NUP43: variants seen among roughly 807,000 people sequenced by gnomAD.
NUP43 encodes nucleoporin 43.
In NUP43, 32 loss-of-function variants were observed where a neutral mutation model predicts 47.3. That is an observed-to-expected ratio of 0.68 (90% CI 0.51 to 0.91). NUP43 has a LOEUF of 0.91. Ranked by LOEUF, NUP43 falls within the 40% of genes least tolerant of loss-of-function variation. The probability of loss-of-function intolerance (pLI) is 0.00; values close to 1 mark genes in which losing one functional copy is unlikely to be tolerated. For missense variants in NUP43, 444 were observed against 453.9 expected, an observed-to-expected ratio of 0.98 and a Z score of 0.20; for synonymous variants, 147 against 158.4, an observed-to-expected ratio of 0.93 and a Z score of 0.54.
chr6:149,727,784 T>A, intron 7 of NUP43: 1 of 984,252 alleles, frequency 1.0e-6, no homozygotes, highest in Non-Finnish European at 1.2e-6. Flanking sequence ...AGGTTTTATC[T>A]CTAACAGCGC....
upstream of NUP43, chr6:149,746,805 A>T (rs1048749666): frequency 1.3e-5 from 11 of 870,494 alleles, no homozygotes; most frequent in African/African-American, 1.7e-5. Context: ...TAAGTGCAAA[A>T]ACAGAACAAA....
chr6:149,745,186 G>A lies in NUP43; in HGVS notation c.243+754C>T, dbSNP rs985059097. Among the ~76,000 whole-genome samples, 7 of 152,022 alleles carry A rather than the reference G, an allele frequency of 4.6e-5. No individual in the cohort carries two copies. In the East Asian group the frequency reaches 1.4e-3, roughly 29 times the overall value. On this transcript the variant is annotated intron_variant, in intron 2 of 7. Transcript: ENST00000340413. ...GAGGCCGAGGCAGGCAAATCACCAGGTCAGGAAATAGAGACCATCGTGGCT... is the reference window on the plus strand; with the variant it reads ...GAGGCCGAGGCAGGCAAATCACCAGATCAGGAAATAGAGACCATCGTGGCT...
Position 149,725,554 on chromosome 6 carries a change from A to T in NUP43, c.*1415T>A, listed in dbSNP as rs1582953461. 2 of 152,130 alleles carry T rather than the reference A, an allele frequency of 1.3e-5. No individual in the cohort carries two copies. The highest frequency in any genetic ancestry group is 6.5e-5 in the Admixed American group (1 of 15,268). The allele number at this position is 152,130 out of a possible 1,614,324, so 9.4% of individuals were successfully genotyped here. On this transcript the variant is annotated 3_prime_UTR_variant, in exon 8 of 8. Coordinates refer to ENST00000340413, the MANE Select transcript of NUP43 (RefSeq NM_198887.3). ...CAGTGAGCTGAGATCATGCCATTTC[A>T]CTCCAGCCTCAGCAACAAGAGCAAA...
rs764325135 is a variant in NUP43 at position 149,745,921 on chromosome 6, G to A, written c.243+19C>T. ...CTCAGGACTTTCAAAGTTAGCTTTT[G>A]GATGCTACACAGATTTACCTGTAAA... On this transcript the variant is annotated intron_variant, in intron 2 of 7. Coordinates refer to ENST00000340413, the MANE Select transcript of NUP43 (RefSeq NM_198887.3). The A allele has an allele frequency of 1.9e-6, 3 of 1,589,356 alleles. No individual in the cohort carries two copies. Among genetic ancestry groups the A allele is most frequent in the South Asian group, 2.3e-5 (2 of 86,516 alleles).
At chr6:149,748,409 G>C (rs1407448260), upstream of NUP43, among the ~76,000 whole-genome samples, 1 of 152,204 alleles carries the variant, frequency 6.6e-6, no homozygotes, top group Non-Finnish European at 1.5e-5. Flanking sequence ...TGTTGATTTT[G>C]GATTGGAAGC....
rs1177269665 is a variant in NUP43, at chr6:149,727,106, C to T, written c.1006G>A (p.Ala336Thr). 6.2e-7 allele frequency: 1 copy of T among 1,614,010 alleles called. No homozygotes were observed. Among genetic ancestry groups the T allele is most frequent in the Admixed American group, 1.7e-5 (1 of 59,978 alleles). The change falls in exon 8 of 8, where the codon GCA (alanine) becomes ACA (threonine). Residue 336 changes from alanine to threonine, a missense_variant. Coordinates refer to ENST00000340413, the MANE Select transcript of NUP43 (RefSeq NM_198887.3). Reference protein sequence around the residue: ...VISSWLSTDPAKDRIEITSLL... With the variant: ...VISSWLSTDPTKDRIEITSLL... ...CTTGTGATTTCAATTCGGTCTTTTG[C>T]AGGATCAGTGCTGAGCCAGGAGCTA...
chr6:149,748,255 G>C (rs3763161), upstream of NUP43, among the ~76,000 whole-genome samples: 52,617 of 152,126 alleles, frequency 0.35, 10,718 homozygotes, highest in East Asian at 0.81. Flanking sequence ...GGAGGTGGAG[G>C]TTGCAATGAG....
At chr6:149,741,381 T>C (rs1039194776) in intron 4 of NUP43, among the ~76,000 whole-genome samples, 13 of 152,054 alleles carry the variant, frequency 8.5e-5, no homozygotes, top group Non-Finnish European at 1.6e-4. Flanking sequence ...GCAATATTGG[T>C]CAGGCTGGTC....
upstream of NUP43, chr6:149,746,687 G>A (rs1426669175): frequency 7.2e-6 from 11 of 1,532,370 alleles, no homozygotes; most frequent in African/African-American, 1.4e-4. Context: ...ATCTCACAGA[G>A]CAGCTCTGAG....
intron 7 of NUP43, 49 bp downstream of exon 7, chr6:149,731,564 A>C (rs537861704): frequency 1.1e-6 from 1 of 918,338 alleles, no homozygotes; most frequent in South Asian, 2.5e-5. Context: ...CTCTGTCTTA[A>C]AAAAAAAAAA....
chr6:149,724,960 G>A lies in NUP43; in HGVS notation c.*2009C>T, dbSNP rs1784740896. ...CCATAGAAGGGATGATGAAATTTAG[G>A]CTGGAGATGATCACCAAGGTACTTT... On this transcript the variant is annotated 3_prime_UTR_variant, in exon 8 of 8. Coordinates refer to ENST00000340413, the MANE Select transcript of NUP43 (RefSeq NM_198887.3). 6.6e-6 allele frequency: 1 copy of A among 152,084 alleles called. No individual in the cohort carries two copies. The allele number at this position is 152,084 out of a possible 1,614,324, so 9.4% of individuals were successfully genotyped here.
Position 149,745,952 on chromosome 6 carries a change from T to G in NUP43, c.231A>C (p.Val77=). 6.2e-7 allele frequency: 1 copy of G among 1,611,452 alleles called. No homozygotes were observed. The highest frequency in any genetic ancestry group is 1.1e-5 in the South Asian group (1 of 90,376). Reference sequence around the variant, plus strand: ...TACACAGATTTACCTGTAAATCCATTACATCACCATGGTGTCTGATATCAC... The same window carrying G: ...TACACAGATTTACCTGTAAATCCATGACATCACCATGGTGTCTGATATCAC... ...LLCDIRHHGD[V]MDLQFFDQER... Residue 77 remains valine, a synonymous_variant, in exon 2 of 8, where the codon GTA becomes GTC. Transcript: ENST00000340413.
chr6:149,736,238 T>C (rs552649398), intron 6 of NUP43, among the ~76,000 whole-genome samples: 144 of 143,558 alleles, frequency 1.0e-3, no homozygotes, highest in African/African-American at 3.6e-3. Context: ...GATAGCGCCA[T>C]TGCACTCCAG....
chr6:149,742,294 G>A, intron 4 of NUP43, 96 bp downstream of exon 4: 1 of 1,144,062 alleles, frequency 8.7e-7, no homozygotes, highest in Non-Finnish European at 1.3e-6. Flanking sequence ...CCAAAGTGCT[G>A]CAATTGCCGG....
rs1784767715 is a variant in NUP43 at position 149,725,643 on chromosome 6, T to C, written c.*1326A>G. ...AAAGCAAAACCTTACCATAATTCCA[T>C]AACTATGATTATTGGAATTACAAAG... On this transcript the variant is annotated 3_prime_UTR_variant, in exon 8 of 8. Transcript: ENST00000340413. The C allele has an allele frequency of 6.6e-6, 1 of 152,162 alleles. No homozygotes were observed. The highest frequency in any genetic ancestry group is 6.6e-5 in the Admixed American group (1 of 15,254). The allele number at this position is 152,162 out of a possible 1,614,324, so 9.4% of individuals were successfully genotyped here. A position where few individuals can be genotyped will look rare whatever the true frequency, so the allele number is the denominator to read the frequency against.
chr6:149,747,738 A>G (rs1268385334), upstream of NUP43, among the ~76,000 whole-genome samples: 1 of 152,196 alleles, frequency 6.6e-6, no homozygotes, highest in African/African-American at 2.4e-5. Flanking sequence ...ATAGGTATTC[A>G]TAACTGTATG....
intron 3 of NUP43, among the ~76,000 whole-genome samples, chr6:149,743,166 ACT>A (rs1785757827): frequency 6.6e-6 from 1 of 151,112 alleles, no homozygotes; most frequent in Non-Finnish European, 1.5e-5. Context: ...ACAGAGAGAG[ACT>A]CTGTCTCAAA....
At chr6:149,744,321 C>G (rs970532538) in intron 2 of NUP43, among the ~76,000 whole-genome samples, 3 of 151,668 alleles carry the variant, frequency 2.0e-5, no homozygotes, top group African/African-American at 7.3e-5. Context: ...GTCAGGAGTT[C>G]GAGACCAGCC....
intron 2 of NUP43, 74 bp from the exon 3 acceptor site, chr6:149,743,789 C>A: frequency 1.2e-6 from 1 of 836,114 alleles, no homozygotes; most frequent in Non-Finnish European, 2.0e-6. Flanking sequence ...TTATTTAACT[C>A]AATTAGTAGC....
Sources: gnomAD v4.1 joint callset for allele counts (sites outside exome capture counted in the v4.1 genomes callset) on GRCh38, gnomAD v4.1.1 for gene constraint, MANE v1.5 for transcripts, NCBI Gene and HGNC (gene_info 2026-07-23, HGNC 2026-07-21) for gene names.